NME7: variants seen among roughly 807,000 people sequenced by gnomAD.
NME7 encodes the protein NME/NM23 family member 7.
Under a neutral mutation model 49.1 loss-of-function variants are expected in NME7, and 41 were observed. That is an observed-to-expected ratio of 0.83 (90% CI 0.65 to 1.08). The LOEUF is 1.08. NME7 is among the 50% of genes least tolerant of loss of function. The pLI is 0.00. For missense variants in NME7, 423 were observed against 463.4 expected, an observed-to-expected ratio of 0.91 and a Z score of 0.80; for synonymous variants, 139 against 150.6, an observed-to-expected ratio of 0.92 and a Z score of 0.56.
intron 11 of NME7, among the ~76,000 whole-genome samples, chr1:169,154,295 G>T (rs1372524028): frequency 6.6e-6 from 1 of 152,108 alleles, no homozygotes; most frequent in African/African-American, 2.4e-5. Context: ...TTACAGGTGT[G>T]AGCCACTGTG....
At chr1:169,359,104 T>C (rs909869491) in intron 1 of NME7, among the ~76,000 whole-genome samples, 4 of 152,088 alleles carry the variant, frequency 2.6e-5, no homozygotes, top group African/African-American at 4.8e-5. Flanking sequence ...CCAGAATCCT[T>C]AGACGCTCAA....
At chr1:169,200,338 T>G (rs1660511380) in intron 10 of NME7, among the ~76,000 whole-genome samples, 1 of 152,132 alleles carries the variant, frequency 6.6e-6, no homozygotes, top group African/African-American at 2.4e-5. Flanking sequence ...GTAGAGGAAT[T>G]TAGCCTTGAG....
intron 6 of NME7, among the ~76,000 whole-genome samples, chr1:169,297,051 G>C (rs1248975176): frequency 2.0e-5 from 3 of 151,412 alleles, no homozygotes; most frequent in Admixed American, 6.6e-5. Flanking sequence ...TCAGTTCACT[G>C]CAACCTCCAC....
rs369306366 is a variant in NME7, at chr1:169,132,758, C to A, written c.*27G>T. ...ATTCACTCTTGTCTAAATGTCCCAACCTGTGACTTCTTTACTTTCCACACC... is the reference window on the plus strand; with the variant it reads ...ATTCACTCTTGTCTAAATGTCCCAAACTGTGACTTCTTTACTTTCCACACC... On this transcript the variant is annotated 3_prime_UTR_variant, in exon 12 of 12. Coordinates refer to ENST00000367811, the MANE Select transcript of NME7 (RefSeq NM_013330.5). 1 of 1,608,536 alleles carries A rather than the reference C, an allele frequency of 6.2e-7. No individual in the cohort carries two copies. The highest frequency in any genetic ancestry group is 8.5e-7 in the Non-Finnish European group (1 of 1,175,950).
chr1:169,240,510 C>T, intron 7 of NME7, among the ~76,000 whole-genome samples: 1 of 151,866 alleles, frequency 6.6e-6, no homozygotes, highest in Non-Finnish European at 1.5e-5. Flanking sequence ...GTGGTAGCTT[C>T]TTAAAAGTTT....
chr1:169,325,357 G>C (rs1652022648), intron 1 of NME7, among the ~76,000 whole-genome samples: 1 of 152,102 alleles, frequency 6.6e-6, no homozygotes, highest in Non-Finnish European at 1.5e-5. Flanking sequence ...GGAAGCAAGT[G>C]CTCAGCACAA....
intron 10 of NME7, among the ~76,000 whole-genome samples, chr1:169,229,852 C>T (rs952307947): frequency 1.3e-5 from 2 of 151,944 alleles, no homozygotes; most frequent in African/African-American, 4.8e-5. Context: ...GTCCCAGCTA[C>T]TCAGATGGCT....
intron 6 of NME7, among the ~76,000 whole-genome samples, chr1:169,290,988 A>T (rs1391184141): frequency 6.6e-6 from 1 of 152,194 alleles, no homozygotes; most frequent in Non-Finnish European, 1.5e-5. Context: ...TAGAATGATG[A>T]TCATTAAAAA....
At chr1:169,303,403 G>T in intron 4 of NME7, 1 of 225,112 alleles carries the variant, frequency 4.4e-6, no homozygotes, top group African/African-American at 2.4e-5. Flanking sequence ...AAAAATTAAT[G>T]TAGGAGGCAA....
intron 3 of NME7, among the ~76,000 whole-genome samples, chr1:169,320,423 C>T (rs1012269785): frequency 6.6e-6 from 1 of 152,150 alleles, no homozygotes; most frequent in African/African-American, 2.4e-5. Flanking sequence ...ATCAATTTCA[C>T]TCATCCTCCT....
intron 10 of NME7, among the ~76,000 whole-genome samples, chr1:169,192,425 A>G (rs1660259452): frequency 6.6e-6 from 1 of 152,186 alleles, no homozygotes; most frequent in South Asian, 2.1e-4. Flanking sequence ...CAAAATTTAC[A>G]TAGCATTTAC....
In NME7 at chr1:169,258,208, G is replaced by A. The variant is rs538869861; in HGVS notation, c.755-20521C>T. On this transcript the variant is annotated intron_variant, in intron 7 of 11. Coordinates refer to ENST00000367811, the MANE Select transcript of NME7 (RefSeq NM_013330.5). ...AGAAATTAGCTAGGTGTTGTGGCACGTGTCTGTAGTGCCAGCTGCTCTGCT... is the reference window on the plus strand; with the variant it reads ...AGAAATTAGCTAGGTGTTGTGGCACATGTCTGTAGTGCCAGCTGCTCTGCT... Among the ~76,000 whole-genome samples, 16 of 127,148 alleles carry A rather than the reference G, an allele frequency of 1.3e-4. 1 individual carries two copies. Among genetic ancestry groups the A allele is most frequent in the Non-Finnish European group, 3.7e-5 (2 of 54,644 alleles). 83.4% of individuals were successfully genotyped at this position (127,148 alleles called of 152,430 possible).
intron 1 of NME7, among the ~76,000 whole-genome samples, chr1:169,354,526 A>T (rs1653308432): frequency 6.6e-6 from 1 of 151,624 alleles, no homozygotes; most frequent in Admixed American, 6.6e-5. Flanking sequence ...GAAGAGTGTA[A>T]CTTGATTGTT....
Position 169,324,411 on chromosome 1 carries a change from C to T in NME7, c.93G>A (p.Gly31=), listed in dbSNP as rs1343765011. 1 of 1,611,266 alleles carries T rather than the reference C, an allele frequency of 6.2e-7. No homozygotes were observed. The highest frequency in any genetic ancestry group is 1.3e-5 in the African/African-American group (1 of 74,814). The part of the protein sequence containing the change: ...LRRYELLFYP[G]DGSVEMHDVK... ...TATTTACCATTTCAACAGATCCATC[C>T]CCTGGGTAAAATAAAAGCTCATAAC... is the stretch of plus-strand genomic sequence containing the variant. The change falls in exon 2 of 12, where the codon GGG becomes GGA. Residue 31 remains glycine, a synonymous_variant. Coordinates refer to ENST00000367811, the MANE Select transcript of NME7 (RefSeq NM_013330.5).
intron 10 of NME7, among the ~76,000 whole-genome samples, chr1:169,194,480 G>C (rs192890959): frequency 1.3e-5 from 2 of 152,212 alleles, no homozygotes; most frequent in East Asian, 3.9e-4. Context: ...AGTTTTAGCT[G>C]GCATGATAAG....
intron 3 of NME7, among the ~76,000 whole-genome samples, chr1:169,314,360 G>C (rs916327217): frequency 6.6e-6 from 1 of 151,930 alleles, no homozygotes; most frequent in Non-Finnish European, 1.5e-5. Flanking sequence ...TTTTAAAGAA[G>C]GAGGTTAAAA....
chr1:169,231,401 G>A (rs1647612812), intron 9 of NME7, among the ~76,000 whole-genome samples: 1 of 152,186 alleles, frequency 6.6e-6, no homozygotes, highest in Admixed American at 6.5e-5. Flanking sequence ...CAGACCAGTA[G>A]ACCAGGTAGA....
At position 169,310,044 on chromosome 1, in the gene NME7, C is replaced by G. The variant is rs149023832; in HGVS notation, c.315G>C (p.Lys105Asn). The G allele has an allele frequency of 6.2e-7, 1 of 1,608,704 alleles. No individual in the cohort carries two copies. The highest frequency in any genetic ancestry group is 1.3e-5 in the African/African-American group (1 of 74,730). ...TTATTATTTCAATTATTTCTCCAGC[C>G]TTTGATATTGCATCTGGTTTAATTA... ...LALIKPDAISKAGEIIEIINK... is the reference protein window; with the variant it reads ...LALIKPDAISNAGEIIEIINK... The change falls in exon 4 of 12, where the codon AAG becomes AAC. Residue 105 changes from lysine to asparagine, a missense_variant. Lys to Asn is a moderately conservative substitution (Grantham distance 94). Transcript: ENST00000367811.
intron 10 of NME7, among the ~76,000 whole-genome samples, chr1:169,183,969 G>GA (rs1467255856): frequency 6.7e-6 from 1 of 148,762 alleles, no homozygotes; most frequent in Admixed American, 6.7e-5. Context: ...ATTGTAAAAA[G>GA]ATTTTTTTTT....
Sources: allele counts gnomAD v4.1 joint callset (sites outside exome capture counted in the v4.1 genomes callset), GRCh38; gene constraint gnomAD v4.1.1; transcripts MANE v1.5; gene names NCBI Gene and HGNC (gene_info 2026-07-23, HGNC 2026-07-21).